The following INTS6 variants were observed in gnomAD, a reference collection of about 807,000 sequenced individuals.
INTS6 encodes the protein integrator complex subunit 6.
Under a neutral mutation model 104.9 loss-of-function variants are expected in INTS6, and 16 were observed. The observed-to-expected ratio is 0.15, with a 90% confidence interval of 0.10 to 0.23. The LOEUF is 0.23. Among genes scored for constraint, INTS6 ranks in the 10% least tolerant of loss-of-function variants. The probability of loss-of-function intolerance (pLI) is 1.00; values close to 1 mark genes in which losing one functional copy is unlikely to be tolerated. For synonymous variants in INTS6, 324 were observed against 358.7 expected (o/e 0.90, Z 1.09); for missense variants, 584 against 1,062.8 (o/e 0.55, Z 6.26).
At chr13:51,403,474 C>T (rs1050257595) in intron 4 of INTS6, among the ~76,000 whole-genome samples, 1 of 150,622 alleles carries the variant, frequency 6.6e-6, no homozygotes, top group African/African-American at 2.4e-5. Context: ...CCCAGCTACT[C>T]AGAAGGCTGA....
chr13:51,337,662 C>T, the INTS6 span, among the ~76,000 whole-genome samples: 2 of 152,152 alleles, frequency 1.3e-5, no homozygotes, highest in Non-Finnish European at 2.9e-5. Flanking sequence ...GCTCTTCAGA[C>T]TTAGTTTCTT....
intron 3 of INTS6, among the ~76,000 whole-genome samples, chr13:51,434,791 T>A (rs1053970095): frequency 6.6e-5 from 10 of 152,076 alleles, no homozygotes; most frequent in Admixed American, 3.9e-4. Context: ...TCTTTCTCTG[T>A]CAACATTGTT....
rs1183193640 is a variant in INTS6, at chr13:51,403,594, GAAAAAA to G, written c.430-8117_430-8112del. On this transcript the variant is annotated intron_variant, in intron 4 of 17. Transcript: ENST00000311234. ...GAGACTCCATTTCAAAAAAAAAAAAGAAAAAAAAAAGAAAAAAAAAAAAAGAAAAAG... is the reference window on the plus strand; with the variant it reads ...GAGACTCCATTTCAAAAAAAAAAAAGAAAAGAAAAAAAAAAAAAGAAAAAG... Among the ~76,000 whole-genome samples the G allele has an allele frequency of 4.8e-5, 3 of 63,016 alleles. No homozygotes were observed. In the Admixed American group the frequency reaches 5.4e-4, roughly 11 times the overall value. The allele number at this position is 63,016 out of a possible 152,430, so 41.3% of individuals were successfully genotyped here.
chr13:51,424,225 T>C (rs182503292), intron 4 of INTS6, among the ~76,000 whole-genome samples: 1 of 152,174 alleles, frequency 6.6e-6, no homozygotes, highest in East Asian at 1.9e-4. Flanking sequence ...AAAAACTATT[T>C]TGATATATCT....
At chr13:51,355,143 G>A (rs1206272773) in intron 3 of INTS6, 2 of 1,452,050 alleles carry the variant, frequency 1.4e-6, no homozygotes, top group African/African-American at 1.4e-5. Flanking sequence ...AGGAATTTCA[G>A]GTAAAAACGG....
In INTS6 at chr13:51,380,478, C is replaced by T. The variant is rs149327851; in HGVS notation, c.1276-906G>A. On this transcript the variant is annotated intron_variant, in intron 10 of 17. Transcript: ENST00000311234. ...CTAAATCTTCAGGGTTGCTATGAAA[C>T]GTAAATGAGTCAACATATGTAACAG... Among the ~76,000 whole-genome samples the T allele has an allele frequency of 5.9e-3, 905 of 152,248 alleles. 14 individuals are homozygous for T. Among genetic ancestry groups the T allele is most frequent in the African/African-American group, 0.02 (852 of 41,566 alleles).
At chr13:51,361,507 A>C, downstream of INTS6, 1 of 639,152 alleles carries the variant, frequency 1.6e-6, no homozygotes, top group Non-Finnish European at 2.7e-6. Context: ...GGAACACTAA[A>C]GAAAACAAAA....
rs1206381380 is a variant in INTS6, at chr13:51,432,576, C to A, written c.340-2193G>T. On this transcript the variant is annotated intron_variant, in intron 3 of 17. Coordinates refer to ENST00000311234, the MANE Select transcript of INTS6 (RefSeq NM_012141.3). ...CTAAGCAGGTACTGGGCACAAAACA[C>A]TTCAACTTATTCATTGACTCACTGA... 2.5e-4 allele frequency among the ~76,000 whole-genome samples: 38 copies of A among 152,274 alleles called. 1 individual carries two copies. Among genetic ancestry groups the A allele is most frequent in the Non-Finnish European group, 1.0e-4 (7 of 68,014 alleles).
chr13:51,351,675 C>A (rs145574118), downstream of INTS6, among the ~76,000 whole-genome samples: 172 of 152,168 alleles, frequency 1.1e-3, 1 homozygote, highest in East Asian at 2.7e-3. Flanking sequence ...GTTTCTTGCG[C>A]TTTCGATGCC....
At position 51,362,156 on chromosome 13, in the gene INTS6, T is replaced by TAG; in HGVS notation, c.*3594_*3595dup. 1.1e-5 allele frequency: 11 copies of TAG among 990,578 alleles called. No homozygotes were observed. Among genetic ancestry groups the TAG allele is most frequent in the Non-Finnish European group, 1.5e-5 (11 of 723,570 alleles). The allele number at this position is 990,578 out of a possible 1,614,324, so 61.4% of individuals were successfully genotyped here. ...ATGTAGATTTTTTTTTTTAATGCTA[T>TAG]AGGTTTCTACTTCTGAAGACACTTG... On this transcript the variant is annotated 3_prime_UTR_variant, in exon 18 of 18. Transcript: ENST00000311234.
intron 4 of INTS6, among the ~76,000 whole-genome samples, chr13:51,419,434 A>C (rs1956855840): frequency 6.6e-6 from 1 of 152,138 alleles, no homozygotes. Context: ...TTTCTTGAAC[A>C]CTTTGCCAGC....
At chr13:51,342,374 G>T in the INTS6 span, among the ~76,000 whole-genome samples, 5 of 152,124 alleles carry the variant, frequency 3.3e-5, no homozygotes, top group East Asian at 9.7e-4. Context: ...GCCTCTGCTC[G>T]CTCATATATA....
chr13:51,435,188 TAA>T (rs1223732136), intron 3 of INTS6, among the ~76,000 whole-genome samples: 7 of 151,980 alleles, frequency 4.6e-5, no homozygotes, highest in Non-Finnish European at 8.8e-5. Flanking sequence ...GTAGAGGGAC[TAA>T]AAGTTTACTT....
chr13:51,447,733 G>GAAAAAAAAAAAAAAAA (rs940260743), intron 3 of INTS6: 1 of 55,462 alleles, frequency 1.8e-5, no homozygotes, highest in Non-Finnish European at 3.3e-5. Context: ...ATAATTTACT[G>GAAAAAAAAAAAAAAAA]AAAAAAAAAA....
chr13:51,428,326 CTTTTTTTTTT>C (rs887192550), intron 4 of INTS6, among the ~76,000 whole-genome samples: 4 of 135,048 alleles, frequency 3.0e-5, no homozygotes, highest in Non-Finnish European at 3.2e-5. Flanking sequence ...CTTTTTTTTT[CTTTTTTTTTT>C]TTTTTTGAGA....
intron 4 of INTS6, among the ~76,000 whole-genome samples, chr13:51,420,299 A>T (rs951554724): frequency 4.9e-5 from 7 of 142,868 alleles, no homozygotes; most frequent in South Asian, 2.2e-4. Flanking sequence ...TACATACTTA[A>T]TTTTTTTTTT....
Position 51,364,503 on chromosome 13 carries a change from C to A in INTS6, c.*1249G>T. The A allele has an allele frequency of 4.6e-6, 2 of 438,698 alleles. No individual in the cohort carries two copies. Among genetic ancestry groups the A allele is most frequent in the Middle Eastern group, 6.1e-4 (1 of 1,648 alleles). 27.2% of individuals were successfully genotyped at this position (438,698 alleles called of 1,614,324 possible). On this transcript the variant is annotated 3_prime_UTR_variant, in exon 18 of 18. Coordinates refer to ENST00000311234, the MANE Select transcript of INTS6 (RefSeq NM_012141.3). ...TTTTGACCTTCTTTTCTACTGCTTACCCCCCAAACCACTAAAAGGCACAGC... is the reference window on the plus strand; with the variant it reads ...TTTTGACCTTCTTTTCTACTGCTTAACCCCCAAACCACTAAAAGGCACAGC...
Position 51,383,752 on chromosome 13 carries a change from A to G in INTS6, c.895-11T>C. The G allele has an allele frequency of 6.3e-7, 1 of 1,576,764 alleles. No individual in the cohort carries two copies. The highest frequency in any genetic ancestry group is 8.6e-7 in the Non-Finnish European group (1 of 1,160,014). On this transcript the variant is annotated splice_polypyrimidine_tract_variant and intron_variant, in intron 7 of 17. Coordinates refer to ENST00000311234, the MANE Select transcript of INTS6 (RefSeq NM_012141.3). ...AGATGTACGAGGTGGCTAAAGGGGA[A>G]AGTCTTGTAATTACTACTTACATGA... is the stretch of plus-strand genomic sequence containing the variant.
At chr13:51,381,458 T>C (rs935234153) in intron 10 of INTS6, among the ~76,000 whole-genome samples, 1 of 152,056 alleles carries the variant, frequency 6.6e-6, no homozygotes, top group African/African-American at 2.4e-5. Flanking sequence ...CCTCATAGGG[T>C]AACTGTATAA....
Sources: allele counts gnomAD v4.1 joint callset (sites outside exome capture counted in the v4.1 genomes callset), GRCh38; gene constraint gnomAD v4.1.1; transcripts MANE v1.5; gene names NCBI Gene and HGNC (gene_info 2026-07-23, HGNC 2026-07-21).